Variants in GRIA3 observed in about 807,000 individuals in gnomAD.
The protein encoded by GRIA3 is glutamate ionotropic receptor AMPA type subunit 3.
In GRIA3, 3 loss-of-function variants were observed where a neutral mutation model predicts 63.0. The observed-to-expected ratio is 0.05, with a 90% confidence interval of 0.02 to 0.12. The LOEUF (loss-of-function observed/expected upper bound fraction) is 0.12. Ranked by LOEUF, GRIA3 falls within the 10% of genes least tolerant of loss-of-function variation. The pLI is 1.00. For missense variants in GRIA3, 347 were observed against 700.9 expected (o/e 0.50, Z 5.70); for synonymous variants, 274 against 257.9 (o/e 1.06, Z -0.60).
chrX:123,269,078 T>C (rs1313279043), intron 3 of GRIA3, among the ~76,000 whole-genome samples: 2 of 112,177 alleles, frequency 1.8e-5, no homozygotes, highest in Non-Finnish European at 3.8e-5. Context: ...TACCTTCCCA[T>C]GTTCCTCATG....
chrX:123,185,032 T>C (rs759810455), intron 1 of GRIA3: 3 of 336,109 alleles, frequency 8.9e-6, no homozygotes, highest in South Asian at 5.3e-5. Flanking sequence ...TGTCCCAGGG[T>C]GATGCCGACT....
intron 6 of GRIA3, among the ~76,000 whole-genome samples, chrX:123,398,423 T>C (rs1271029053): frequency 1.8e-5 from 2 of 111,711 alleles, no homozygotes; most frequent in Non-Finnish European, 3.8e-5. Flanking sequence ...CTTGAGCCAT[T>C]TGATTGTAAT....
intron 10 of GRIA3, among the ~76,000 whole-genome samples, chrX:123,412,960 A>T (rs915282700): frequency 1.8e-5 from 2 of 111,849 alleles, no homozygotes; most frequent in Non-Finnish European, 3.8e-5. Flanking sequence ...TGAGGAAAAA[A>T]AAAGGCAGTG....
At chrX:123,288,380 C>T (rs1185365013) in intron 3 of GRIA3, among the ~76,000 whole-genome samples, 1 of 112,290 alleles carries the variant, frequency 8.9e-6, no homozygotes. Context: ...ACTAAAACAC[C>T]AAAAGCAATG....
At chrX:123,341,220 A>G (rs2045006664) in intron 4 of GRIA3, among the ~76,000 whole-genome samples, 1 of 112,024 alleles carries the variant, frequency 8.9e-6, no homozygotes, top group Admixed American at 9.5e-5. Context: ...ATTTCCTTTA[A>G]AAGGTGGAAT....
At chrX:123,301,633 G>C (rs2044723834) in intron 3 of GRIA3, among the ~76,000 whole-genome samples, 1 of 111,989 alleles carries the variant, frequency 8.9e-6, no homozygotes, top group African/African-American at 3.2e-5. Context: ...GATGCACAGA[G>C]AAGTTGAATA....
intron 2 of GRIA3, among the ~76,000 whole-genome samples, chrX:123,192,148 C>G (rs763823012): frequency 9.0e-6 from 1 of 111,123 alleles, no homozygotes; most frequent in Admixed American, 9.5e-5. Flanking sequence ...AAAGCCTTTG[C>G]GGGTAATTTG....
At chrX:123,470,893 C>T (rs1376451440) in intron 13 of GRIA3, among the ~76,000 whole-genome samples, 1 of 111,960 alleles carries the variant, frequency 8.9e-6, no homozygotes, top group African/African-American at 3.2e-5. Context: ...GTTGACATTT[C>T]GGATACTCAG....
At chrX:123,387,788 G>A (rs1433564275) in intron 5 of GRIA3, among the ~76,000 whole-genome samples, 1 of 112,410 alleles carries the variant, frequency 8.9e-6, no homozygotes, top group African/African-American at 3.2e-5. Context: ...AATCCCACTT[G>A]ATCATGGTGT....
At chrX:123,229,962 G>A (rs750745416) in intron 2 of GRIA3, among the ~76,000 whole-genome samples, 2 of 111,816 alleles carry the variant, frequency 1.8e-5, no homozygotes, top group Non-Finnish European at 3.8e-5. Context: ...CTTCCCAGGG[G>A]ATCTGGATCA....
chrX:123,280,622 T>C (rs1408582663), intron 3 of GRIA3, among the ~76,000 whole-genome samples: 1 of 112,208 alleles, frequency 8.9e-6, no homozygotes, highest in Non-Finnish European at 1.9e-5. Flanking sequence ...CTTAAAAATA[T>C]GATTGAATCT....
intron 2 of GRIA3, among the ~76,000 whole-genome samples, chrX:123,218,682 A>C (rs1196232720): frequency 9.0e-6 from 1 of 111,433 alleles, no homozygotes; most frequent in African/African-American, 3.3e-5. Flanking sequence ...GTGCAAGTGG[A>C]CTTAGCAGGC....
intron 3 of GRIA3, among the ~76,000 whole-genome samples, chrX:123,277,490 C>T (rs1021755645): frequency 4.5e-5 from 5 of 110,767 alleles, no homozygotes; most frequent in African/African-American, 1.6e-4. Flanking sequence ...GAAGTAAGGC[C>T]TCGTGATGTA....
chrX:123,426,446 T>C (rs2045590115), intron 11 of GRIA3, among the ~76,000 whole-genome samples: 1 of 112,116 alleles, frequency 8.9e-6, no homozygotes, highest in Non-Finnish European at 1.9e-5. Context: ...TATAAAGTGC[T>C]GCTGCTTAGT....
chrX:123,226,914 C>A, intron 2 of GRIA3, among the ~76,000 whole-genome samples: 1 of 84,468 alleles, frequency 1.2e-5, no homozygotes, highest in East Asian at 5.8e-4. Context: ...GTCCCTCTCC[C>A]TGACCCCCTC....
intron 3 of GRIA3, among the ~76,000 whole-genome samples, chrX:123,282,009 C>T (rs1341025725): frequency 2.7e-5 from 3 of 111,382 alleles, no homozygotes; most frequent in Non-Finnish European, 5.7e-5. Flanking sequence ...TAGCATGCCT[C>T]AGAAATCATC....
At chrX:123,237,153 G>A (rs889817720) in intron 2 of GRIA3, among the ~76,000 whole-genome samples, 1 of 111,717 alleles carries the variant, frequency 9.0e-6, no homozygotes, top group African/African-American at 3.3e-5. Context: ...TTCCAGGATG[G>A]GGACACAGCA....
At chrX:123,364,128 C>G in intron 5 of GRIA3, among the ~76,000 whole-genome samples, 1 of 112,223 alleles carries the variant, frequency 8.9e-6, no homozygotes, top group African/African-American at 3.2e-5. Context: ...TCCAAGCACA[C>G]AAAAATCATT....
intron 3 of GRIA3, among the ~76,000 whole-genome samples, chrX:123,288,335 C>T (rs1384350850): frequency 8.9e-6 from 1 of 112,422 alleles, no homozygotes; most frequent in Non-Finnish European, 1.9e-5. Flanking sequence ...CTAGGCAATA[C>T]CATTCAGGAC....
Sources: gnomAD v4.1 joint callset for allele counts (sites outside exome capture counted in the v4.1 genomes callset) on GRCh38, gnomAD v4.1.1 for gene constraint, MANE v1.5 for transcripts, NCBI Gene and HGNC (gene_info 2026-07-23, HGNC 2026-07-21) for gene names.